The following DSCAML1 variants were observed in gnomAD, a reference collection of about 807,000 sequenced individuals.
DSCAML1 encodes the protein cell adhesion molecule DSCAML1.
In DSCAML1, 38 loss-of-function variants were observed where a neutral mutation model predicts 200.5. The observed-to-expected ratio is 0.19, with a 90% CI of 0.15 to 0.25. The LOEUF is 0.25. Ranked by LOEUF, DSCAML1 falls within the 10% of genes least tolerant of loss-of-function variation. The probability of loss-of-function intolerance (pLI) is 1.00; values close to 1 mark genes in which losing one functional copy is unlikely to be tolerated. For missense variants in DSCAML1, 2,223 were observed against 2,858.8 expected, an observed-to-expected ratio of 0.78 and a Z score of 5.07; for synonymous variants, 1,215 against 1,165.0, an observed-to-expected ratio of 1.04 and a Z score of -0.87.
At chr11:117,578,871 A>C (rs928140528) in intron 3 of DSCAML1, among the ~76,000 whole-genome samples, 2 of 152,042 alleles carry the variant, frequency 1.3e-5, no homozygotes, top group Non-Finnish European at 2.9e-5. Context: ...AGTCATTGCA[A>C]AGTGATCATG....
chr11:117,554,168 C>A (rs2050517497), intron 3 of DSCAML1, among the ~76,000 whole-genome samples: 1 of 152,060 alleles, frequency 6.6e-6, no homozygotes, highest in Non-Finnish European at 1.5e-5. Context: ...GAATGGGGAG[C>A]TATTGCTCAT....
At chr11:117,511,878 G>A (rs1271595647) in intron 8 of DSCAML1, among the ~76,000 whole-genome samples, 5 of 152,376 alleles carry the variant, frequency 3.3e-5, no homozygotes, top group East Asian at 1.9e-4. Context: ...TTGGCTGCAC[G>A]TGCATGCAAT....
At chr11:117,560,565 T>C (rs1357860203) in intron 3 of DSCAML1, among the ~76,000 whole-genome samples, 1 of 152,188 alleles carries the variant, frequency 6.6e-6, no homozygotes, top group Non-Finnish European at 1.5e-5. Flanking sequence ...TTTTGACTCC[T>C]AGCCAAGGCT....
intron 3 of DSCAML1, among the ~76,000 whole-genome samples, chr11:117,609,501 C>A (rs143359435): frequency 1.3e-5 from 2 of 152,000 alleles, no homozygotes; most frequent in African/African-American, 4.8e-5. Context: ...GAGACCAGGT[C>A]TCCCTGTGTT....
At chr11:117,454,029 A>C (rs1220094883) in intron 19 of DSCAML1, among the ~76,000 whole-genome samples, 6 of 152,178 alleles carry the variant, frequency 3.9e-5, no homozygotes, top group Non-Finnish European at 8.8e-5. Flanking sequence ...AATGTGTGAC[A>C]ATAGAGTTTG....
chr11:117,730,113 C>T (rs563406061), intron 3 of DSCAML1, among the ~76,000 whole-genome samples: 4 of 152,150 alleles, frequency 2.6e-5, no homozygotes, highest in Admixed American at 2.0e-4. Flanking sequence ...GCAGGAGAAT[C>T]GTTTGAACCC....
chr11:117,439,495 C>A (rs2047998789), intron 22 of DSCAML1, 66 bp from the exon 23 acceptor site: 1 of 1,560,294 alleles, frequency 6.4e-7, no homozygotes, highest in Non-Finnish European at 8.7e-7. Flanking sequence ...GGCCCTCCCC[C>A]CGGTGTGTGA....
At chr11:117,656,654 A>G (rs2052742974) in intron 3 of DSCAML1, among the ~76,000 whole-genome samples, 1 of 152,188 alleles carries the variant, frequency 6.6e-6, no homozygotes, top group Non-Finnish European at 1.5e-5. Context: ...TAGGGTTAAG[A>G]AATTGGCTCC....
At chr11:117,816,789 C>T (rs542711442) in intron 1 of DSCAML1, among the ~76,000 whole-genome samples, 36 of 107,596 alleles carry the variant, frequency 3.3e-4, no homozygotes, top group Non-Finnish European at 6.3e-4. Context: ...AGAGAGAGTT[C>T]GGAATTGCTG....
chr11:117,623,216 C>CTTTTTTTTT (rs56343852), intron 3 of DSCAML1, among the ~76,000 whole-genome samples: 10 of 121,110 alleles, frequency 8.3e-5, no homozygotes, highest in African/African-American at 1.2e-4. Flanking sequence ...CTTTTCTTTT[C>CTTTTTTTTT]TTTTTTTTTT....
intron 16 of DSCAML1, among the ~76,000 whole-genome samples, chr11:117,468,471 T>A (rs555196291): frequency 6.6e-6 from 1 of 152,244 alleles, no homozygotes; most frequent in African/African-American, 2.4e-5. Context: ...TGTAGCCCAA[T>A]GTTTCAGTAC....
At chr11:117,484,886 A>AGTGTGTGTGTGTGTGTGTGTGT (rs55850829) in intron 11 of DSCAML1, among the ~76,000 whole-genome samples, 1 of 119,090 alleles carries the variant, frequency 8.4e-6, no homozygotes, top group Non-Finnish European at 1.8e-5. Flanking sequence ...GCAGAGGAAC[A>AGTGTGTGTGTGTGTGTGTGTGT]GTGTGTGTGT....
intron 3 of DSCAML1, among the ~76,000 whole-genome samples, chr11:117,648,236 G>A (rs1688059141): frequency 6.6e-6 from 1 of 152,206 alleles, no homozygotes; most frequent in African/African-American, 2.4e-5. Context: ...TGTGTCCATG[G>A]GGTGAATTAC....
chr11:117,699,041 T>G (rs932963983), intron 3 of DSCAML1, among the ~76,000 whole-genome samples: 2 of 152,180 alleles, frequency 1.3e-5, no homozygotes, highest in African/African-American at 4.8e-5. Context: ...CTCACAGAAC[T>G]TTAGCTTGAA....
At chr11:117,781,627 G>C (rs915437655) in intron 1 of DSCAML1, among the ~76,000 whole-genome samples, 101 of 152,222 alleles carry the variant, frequency 6.6e-4, no homozygotes, top group African/African-American at 2.4e-3. Context: ...ATAAGATCTA[G>C]ACTTAGGGCA....
intron 1 of DSCAML1, among the ~76,000 whole-genome samples, chr11:117,805,309 A>C (rs561741421): frequency 4.9e-4 from 75 of 152,320 alleles, no homozygotes; most frequent in African/African-American, 1.5e-3. Flanking sequence ...CTCAGCTAAG[A>C]ATGCAGCAAT....
rs1161605405 is a variant in DSCAML1, at chr11:117,498,268, G to A, written c.2359+5577C>T. Among the ~76,000 whole-genome samples, 3 of 152,220 alleles carry A rather than the reference G, an allele frequency of 2.0e-5. No individual in the cohort carries two copies. Among genetic ancestry groups the A allele is most frequent in the Non-Finnish European group, 4.4e-5 (3 of 68,038 alleles). Reference sequence around the variant, plus strand: ...CTGAGAGGGGCCTTGTGAGTATAGTGTGTGGACACCCAATCCATGTGCCCA... The same window carrying A: ...CTGAGAGGGGCCTTGTGAGTATAGTATGTGGACACCCAATCCATGTGCCCA... On this transcript the variant is annotated intron_variant, in intron 11 of 32. Coordinates refer to ENST00000651296, the MANE Select transcript of DSCAML1 (RefSeq NM_020693.4). This position sits in a 1 kb window ranked among gnomAD's most constrained non-coding sequence, Gnocchi z 4.0.
At chr11:117,627,254 A>G (rs965098387) in intron 3 of DSCAML1, among the ~76,000 whole-genome samples, 1 of 152,042 alleles carries the variant, frequency 6.6e-6, no homozygotes, top group East Asian at 1.9e-4. Context: ...CCGGTCTGCT[A>G]AGACACTGTT....
At chr11:117,609,477 A>C (rs1205073010) in intron 3 of DSCAML1, among the ~76,000 whole-genome samples, 1 of 151,590 alleles carries the variant, frequency 6.6e-6, no homozygotes, top group Admixed American at 6.6e-5. Flanking sequence ...CTGGCTAATT[A>C]AAAAAACATT....
Sources: gnomAD v4.1 joint callset for allele counts (sites outside exome capture counted in the v4.1 genomes callset) on GRCh38, gnomAD v4.1.1 for gene constraint, Gnocchi (gnomAD v3.1) non-coding constraint, MANE v1.5 for transcripts, NCBI Gene and HGNC (gene_info 2026-07-23, HGNC 2026-07-21) for gene names.